PPFIA2: variants seen among roughly 807,000 people sequenced by gnomAD.
PPFIA2 encodes liprin-alpha-2.
PPFIA2 carries 46 observed loss-of-function variants against 175.5 expected under a neutral mutation model. That is an observed-to-expected ratio of 0.26 (90% CI 0.21 to 0.34). PPFIA2 has a LOEUF of 0.34. Ranked by LOEUF, PPFIA2 falls within the 10% of genes least tolerant of loss-of-function variation. The probability of loss-of-function intolerance (pLI) is 1.00; values close to 1 mark genes in which losing one functional copy is unlikely to be tolerated. For synonymous variants in PPFIA2, 568 were observed against 511.4 expected (o/e 1.11, Z -1.49); for missense variants, 1,179 against 1,506.1 (o/e 0.78, Z 3.60).
chr12:81,324,889 A>C (rs2054412376), intron 22 of PPFIA2, among the ~76,000 whole-genome samples: 2 of 152,026 alleles, frequency 1.3e-5, no homozygotes, highest in Non-Finnish European at 2.9e-5. Flanking sequence ...TTGTAAGTAT[A>C]TACTTCCCTA....
At chr12:81,329,168 G>GT (rs2055539672) in intron 21 of PPFIA2, among the ~76,000 whole-genome samples, 1 of 152,030 alleles carries the variant, frequency 6.6e-6, no homozygotes, top group Non-Finnish European at 1.5e-5. Flanking sequence ...GAAACTAGGG[G>GT]TTACTCATTC....
rs2054655552 is a variant in PPFIA2, at chr12:81,325,880, G to C, written c.2549-10C>G. 3.8e-6 allele frequency: 6 copies of C among 1,586,780 alleles called. No homozygotes were observed. The highest frequency in any genetic ancestry group is 1.3e-5 in the African/African-American group (1 of 74,332). ...GTCTCCATAAAGCCTCCTGTGAAGA[G>C]AAGTAACTAAGTATTCAGATTATGT... On this transcript the variant is annotated splice_polypyrimidine_tract_variant and intron_variant, in intron 21 of 32. Coordinates refer to ENST00000549396, the MANE Select transcript of PPFIA2 (RefSeq NM_003625.5).
chr12:81,449,144 T>C (rs1402951405), intron 5 of PPFIA2, among the ~76,000 whole-genome samples: 1 of 152,110 alleles, frequency 6.6e-6, no homozygotes, highest in Non-Finnish European at 1.5e-5. Context: ...TCAATGTGCA[T>C]AAAGAAGTGA....
chr12:81,630,832 G>A (rs1366255984), intron 4 of PPFIA2, among the ~76,000 whole-genome samples: 1 of 150,986 alleles, frequency 6.6e-6, no homozygotes, highest in East Asian at 1.9e-4. Context: ...AAAAAGAATT[G>A]TGCTTCCAGG....
intron 5 of PPFIA2, among the ~76,000 whole-genome samples, chr12:81,456,172 C>G (rs1189309085): frequency 6.6e-6 from 1 of 151,986 alleles, no homozygotes; most frequent in African/African-American, 2.4e-5. Flanking sequence ...GAATAAATGT[C>G]ATGGTATAAA....
chr12:81,320,732 T>C (rs2053477785), intron 22 of PPFIA2, among the ~76,000 whole-genome samples: 1 of 152,042 alleles, frequency 6.6e-6, no homozygotes, highest in Non-Finnish European at 1.5e-5. Context: ...TTGCTGGAGA[T>C]AAATAACAAT....
rs374194091 is a variant in PPFIA2 at position 81,745,173 on chromosome 12, C to A, written c.249+8800G>T. 8.3e-4 allele frequency among the ~76,000 whole-genome samples: 126 copies of A among 152,284 alleles called. 1 individual carries two copies. Among genetic ancestry groups the A allele is most frequent in the African/African-American group, 2.9e-3 (121 of 41,552 alleles). On this transcript the variant is annotated intron_variant, in intron 3 of 32. Coordinates refer to ENST00000549396, the MANE Select transcript of PPFIA2 (RefSeq NM_003625.5). ...TTGTTTTATAATGAAAAAGTCTAGT[C>A]TAGACTAATGATTTTATAGTTTTGG...
chr12:81,362,817 A>T, intron 14 of PPFIA2, 33 bp from the exon 15 acceptor site: 1 of 1,283,320 alleles, frequency 7.8e-7, no homozygotes, highest in Non-Finnish European at 1.1e-6. Context: ...CTCAGATGCC[A>T]GTAATATCAG....
chr12:81,500,420 G>A (rs1464520778), intron 4 of PPFIA2, among the ~76,000 whole-genome samples: 1 of 152,150 alleles, frequency 6.6e-6, no homozygotes, highest in Non-Finnish European at 1.5e-5. Flanking sequence ...GAGTGTTTAT[G>A]GATTTTGAGT....
At chr12:81,451,701 C>G (rs1405862767) in intron 5 of PPFIA2, among the ~76,000 whole-genome samples, 1 of 151,914 alleles carries the variant, frequency 6.6e-6, no homozygotes, top group Non-Finnish European at 1.5e-5. Context: ...ATCCCCAATA[C>G]CAAGGAAAAT....
At chr12:81,557,717 A>C (rs998732459) in intron 4 of PPFIA2, among the ~76,000 whole-genome samples, 2 of 152,102 alleles carry the variant, frequency 1.3e-5, no homozygotes, top group Non-Finnish European at 2.9e-5. Flanking sequence ...TAATTCATAA[A>C]AATACACTAA....
At chr12:81,373,986 G>A (rs190383161) in intron 11 of PPFIA2, among the ~76,000 whole-genome samples, 26 of 151,906 alleles carry the variant, frequency 1.7e-4, no homozygotes, top group Non-Finnish European at 3.2e-4. Flanking sequence ...TGCCATTTCC[G>A]TTTGATTGTC....
intron 21 of PPFIA2, among the ~76,000 whole-genome samples, 177 bp from the exon 22 acceptor site, chr12:81,326,047 G>A (rs1255521245): frequency 1.3e-5 from 2 of 152,032 alleles, no homozygotes; most frequent in African/African-American, 4.8e-5. Context: ...CATACACTGA[G>A]AAAATGAAAA....
chr12:81,469,941 T>C (rs1202459979), intron 4 of PPFIA2, among the ~76,000 whole-genome samples: 3 of 152,190 alleles, frequency 2.0e-5, no homozygotes, highest in African/African-American at 4.8e-5. Flanking sequence ...AAGGCAGCCA[T>C]CTGCAAGCCA....
chr12:81,639,635 TAAAG>T (rs10556550), intron 4 of PPFIA2, among the ~76,000 whole-genome samples: 46,328 of 151,788 alleles, frequency 0.31, 8,090 homozygotes, highest in Middle Eastern at 0.41. Flanking sequence ...TAGATTTAAA[TAAAG>T]AAAGCTGAGA....
At chr12:81,317,038 A>G (rs2052532227) in intron 22 of PPFIA2, among the ~76,000 whole-genome samples, 1 of 151,670 alleles carries the variant, frequency 6.6e-6, no homozygotes, top group Non-Finnish European at 1.5e-5. Flanking sequence ...GAGATAACAC[A>G]TGTAAAATGC....
intron 4 of PPFIA2, among the ~76,000 whole-genome samples, chr12:81,620,584 C>T (rs1024873134): frequency 6.6e-6 from 1 of 152,164 alleles, no homozygotes; most frequent in African/African-American, 2.4e-5. Context: ...TAGATATCTA[C>T]TACTGATTTT....
chr12:81,317,518 T>TTA, intron 22 of PPFIA2, among the ~76,000 whole-genome samples: 1 of 150,850 alleles, frequency 6.6e-6, no homozygotes, highest in East Asian at 1.9e-4. Flanking sequence ...AGATTTTTTT[T>TTA]AAAAAATGCA....
At chr12:81,448,402 T>C (rs1361752431) in intron 5 of PPFIA2, among the ~76,000 whole-genome samples, 2 of 152,252 alleles carry the variant, frequency 1.3e-5, no homozygotes, top group African/African-American at 2.4e-5. Flanking sequence ...TGGATTATAA[T>C]GGCTCCTTAA....
Sources: allele counts gnomAD v4.1 joint callset (sites outside exome capture counted in the v4.1 genomes callset), GRCh38; gene constraint gnomAD v4.1.1; transcripts MANE v1.5; gene names NCBI Gene and HGNC (gene_info 2026-07-23, HGNC 2026-07-21).